The following TMEM200A variants were observed in gnomAD, a reference collection of about 807,000 sequenced individuals.
The protein encoded by TMEM200A is transmembrane protein 200A, also known as two transmembrane C.
Under a neutral mutation model 24.3 loss-of-function variants are expected in TMEM200A, and 12 were observed. The ratio of observed to expected loss-of-function variants is 0.49; its 90% confidence interval spans 0.32 to 0.80. TMEM200A has a LOEUF of 0.80. Ranked by LOEUF, TMEM200A falls within the 30% of genes least tolerant of loss-of-function variation. The probability of loss-of-function intolerance (pLI) is 0.04; values close to 1 mark genes in which losing one functional copy is unlikely to be tolerated. For synonymous variants in TMEM200A, 224 were observed against 224.4 expected (o/e 1.00, Z 0.02); for missense variants, 545 against 614.4 (o/e 0.89, Z 1.19).
At chr6:130,426,185 G>T (rs1404914825) in intron 2 of TMEM200A, among the ~76,000 whole-genome samples, 7 of 152,016 alleles carry the variant, frequency 4.6e-5, no homozygotes, top group Non-Finnish European at 2.9e-5. Context: ...CCACCAGTAG[G>T]GTAACCCTTG....
At chr6:130,401,739 C>T (rs1209095060) in intron 2 of TMEM200A, among the ~76,000 whole-genome samples, 1 of 151,794 alleles carries the variant, frequency 6.6e-6, no homozygotes, top group Non-Finnish European at 1.5e-5. Flanking sequence ...CCATACTTTG[C>T]CATTAGTAGG....
intron 2 of TMEM200A, among the ~76,000 whole-genome samples, chr6:130,409,837 TCA>T (rs1388096977): frequency 6.7e-6 from 1 of 149,498 alleles, no homozygotes; most frequent in Non-Finnish European, 1.5e-5. Context: ...TTTCTGTCTC[TCA>T]GTTTTTTTTT....
chr6:130,415,186 T>C (rs535946997), intron 2 of TMEM200A, among the ~76,000 whole-genome samples: 1 of 152,240 alleles, frequency 6.6e-6, no homozygotes, highest in African/African-American at 2.4e-5. Flanking sequence ...AAGGGGTTAC[T>C]CTGAGGAACA....
At chr6:130,405,055 C>T (rs1049645509) in intron 2 of TMEM200A, among the ~76,000 whole-genome samples, 1 of 152,112 alleles carries the variant, frequency 6.6e-6, no homozygotes, top group African/African-American at 2.4e-5. Context: ...TTTACTGTAG[C>T]CCTGTAGTAT....
chr6:130,382,352 T>C (rs907114275), intron 1 of TMEM200A, among the ~76,000 whole-genome samples: 1 of 152,222 alleles, frequency 6.6e-6, no homozygotes, highest in African/African-American at 2.4e-5. Context: ...ACACTTGCCC[T>C]GTGCACATGC....
chr6:130,389,693 A>C (rs1311101077), intron 2 of TMEM200A, among the ~76,000 whole-genome samples: 1 of 152,168 alleles, frequency 6.6e-6, no homozygotes, highest in Non-Finnish European at 1.5e-5. Context: ...CATTAATTTT[A>C]GATACATAAT....
At chr6:130,429,864 TC>T (rs763759656) in intron 2 of TMEM200A, among the ~76,000 whole-genome samples, 7 of 152,096 alleles carry the variant, frequency 4.6e-5, no homozygotes, top group Non-Finnish European at 7.3e-5. Context: ...AAACCTGATT[TC>T]CTCAATACGT....
chr6:130,420,150 C>T (rs769811949), intron 2 of TMEM200A, among the ~76,000 whole-genome samples: 12 of 152,072 alleles, frequency 7.9e-5, no homozygotes, highest in Non-Finnish European at 1.8e-4. Flanking sequence ...GGGACACATT[C>T]AGACTATAGC....
chr6:130,397,764 T>G (rs1195663208), intron 2 of TMEM200A, among the ~76,000 whole-genome samples: 5 of 151,808 alleles, frequency 3.3e-5, no homozygotes, highest in African/African-American at 4.8e-5. Context: ...TTTATATGTT[T>G]ATTTATTGCA....
At chr6:130,375,743 A>G (rs1218775622) in intron 1 of TMEM200A, among the ~76,000 whole-genome samples, 1 of 152,192 alleles carries the variant, frequency 6.6e-6, no homozygotes, top group Non-Finnish European at 1.5e-5. Context: ...TGCACTGGAA[A>G]GCCATTAGAA....
chr6:130,438,284 G>A (rs913318570), intron 2 of TMEM200A: 1 of 152,132 alleles, frequency 6.6e-6, no homozygotes, highest in African/African-American at 2.4e-5. Flanking sequence ...TTCACTGAAG[G>A]CTGGATTTAC....
intron 2 of TMEM200A, among the ~76,000 whole-genome samples, chr6:130,402,073 TAAAAAA>T (rs11396507): frequency 6.9e-6 from 1 of 144,470 alleles, no homozygotes; most frequent in African/African-American, 2.5e-5. Flanking sequence ...CTGCCTTTCT[TAAAAAA>T]AAAAAACCTT....
rs571474612 is a variant in TMEM200A at position 130,442,610 on chromosome 6, A to AAATTT, written c.*714_*718dup. ...CTATAACGTTAGATACTCGGAATCA[A>AAATTT]AATTTATTTGCAAGCTGACTTGATA... On this transcript the variant is annotated 3_prime_UTR_variant, in exon 3 of 3. Coordinates refer to ENST00000296978, the MANE Select transcript of TMEM200A (RefSeq NM_001258277.2). 1.1e-4 allele frequency: 18 copies of AAATTT among 166,962 alleles called. 1 individual carries two copies. In the South Asian group the frequency reaches 3.5e-3, roughly 33 times the overall value. 10.3% of individuals were successfully genotyped at this position (166,962 alleles called of 1,614,324 possible). A position where few individuals can be genotyped will look rare whatever the true frequency, so the allele number is the denominator to read the frequency against.
chr6:130,440,884 G>A lies in TMEM200A; in HGVS notation c.462G>A (p.Glu154=), dbSNP rs374583907. ...NAILHENRDK[E]TKIIHMRDIY... ...TTCTTCATGAAAACCGTGACAAAGA[G>A]ACCAAAATCATACACATGAGGGATA... The change falls in exon 3 of 3, where the codon GAG becomes GAA. Residue 154 remains glutamate, a synonymous_variant. Transcript: ENST00000296978. 11 of 1,613,940 alleles carry A rather than the reference G, an allele frequency of 6.8e-6. No individual in the cohort carries two copies. Among genetic ancestry groups the A allele is most frequent in the East Asian group, 4.5e-5 (2 of 44,852 alleles).
At position 130,440,779 on chromosome 6, in the gene TMEM200A, T is replaced by C. The variant is rs1248006998; in HGVS notation, c.357T>C (p.His119=). 5 of 1,613,838 alleles carry C rather than the reference T, an allele frequency of 3.1e-6. No homozygotes were observed. Among genetic ancestry groups the C allele is most frequent in the Non-Finnish European group, 3.4e-6 (4 of 1,179,944 alleles). The change falls in exon 3 of 3, where the codon CAT becomes CAC. Residue 119 remains histidine (H), a synonymous_variant. Transcript: ENST00000296978. ...TGGTGGTTCGCTTCTTTGAGCAGCA[T>C]TTGCATTCTGATAAGATGAAAATGC... ...GGVVVRFFEQ[H]LHSDKMKMLG...
upstream of TMEM200A, chr6:130,365,883 G>A (rs888737792): frequency 5.1e-6 from 5 of 985,478 alleles, no homozygotes; most frequent in African/African-American, 1.7e-5. Flanking sequence ...TTTCCCACAG[G>A]TTTTGGGGCG....
intron 2 of TMEM200A, among the ~76,000 whole-genome samples, chr6:130,389,430 A>G (rs1778785766): frequency 6.6e-6 from 1 of 152,160 alleles, no homozygotes; most frequent in African/African-American, 2.4e-5. Context: ...TCCTACGTAA[A>G]GAACAATGTG....
At chr6:130,392,590 A>C (rs1041429860) in intron 2 of TMEM200A, among the ~76,000 whole-genome samples, 3 of 152,092 alleles carry the variant, frequency 2.0e-5, no homozygotes, top group Non-Finnish European at 2.9e-5. Flanking sequence ...TATATTTTTT[A>C]GTGTCTCCCA....
At chr6:130,380,067 C>G (rs1177278010) in intron 1 of TMEM200A, among the ~76,000 whole-genome samples, 2 of 152,112 alleles carry the variant, frequency 1.3e-5, no homozygotes, top group East Asian at 3.8e-4. Flanking sequence ...TCAGTTTCTT[C>G]AATTTAATCT....
Sources: allele counts gnomAD v4.1 joint callset (sites outside exome capture counted in the v4.1 genomes callset), GRCh38; gene constraint gnomAD v4.1.1; transcripts MANE v1.5; gene names NCBI Gene and HGNC (gene_info 2026-07-23, HGNC 2026-07-21).